The following RAB20 variants were observed in gnomAD, a reference collection of about 807,000 sequenced individuals.
The protein encoded by RAB20 is RAB20, member RAS oncogene family.
RAB20 carries 2 observed loss-of-function variants against 3.7 expected under a neutral mutation model. That is an observed-to-expected ratio of 0.54 (90% CI 0.22 to 1.69). RAB20 has a LOEUF of 1.69. Among genes scored for constraint, RAB20 ranks in the 40% most tolerant of loss-of-function variants. The probability of loss-of-function intolerance (pLI) is 0.19; values close to 1 mark genes in which losing one functional copy is unlikely to be tolerated. For synonymous variants in RAB20, 126 were observed against 130.8 expected, an observed-to-expected ratio of 0.96 and a Z score of 0.25; for missense variants, 276 against 311.9, an observed-to-expected ratio of 0.88 and a Z score of 0.87.
At chr13:110,550,902 T>C (rs1013110870) in intron 1 of RAB20, among the ~76,000 whole-genome samples, 2 of 152,160 alleles carry the variant, frequency 1.3e-5, no homozygotes, top group African/African-American at 4.8e-5. Flanking sequence ...AAAGAAGTTT[T>C]TTAGGATACC....
At chr13:110,541,817 C>CACACACACACACAA (rs1491140547) in intron 1 of RAB20, among the ~76,000 whole-genome samples, 3 of 1,162 alleles carry the variant, frequency 2.6e-3, no homozygotes, top group Non-Finnish European at 3.8e-3. Context: ...AGTGTCCAGC[C>CACACACACACACAA]ACACACACAC....
At chr13:110,546,968 G>A (rs1377288007) in intron 1 of RAB20, among the ~76,000 whole-genome samples, 1 of 152,046 alleles carries the variant, frequency 6.6e-6, no homozygotes, top group Non-Finnish European at 1.5e-5. Flanking sequence ...CCTATCTTCT[G>A]ACTTCAAGGG....
chr13:110,549,872 C>T (rs544141472), intron 1 of RAB20, among the ~76,000 whole-genome samples: 126 of 152,232 alleles, frequency 8.3e-4, no homozygotes, highest in South Asian at 5.8e-3. Flanking sequence ...TACAGGCACG[C>T]GCCACCAAGC....
rs80240097 is a variant in RAB20, at chr13:110,524,831, C to T, written c.173-634G>A. Among the ~76,000 whole-genome samples, 1,293 of 152,314 alleles carry T rather than the reference C, an allele frequency of 8.5e-3. 23 individuals carry two copies. The highest frequency in any genetic ancestry group is 0.03 in the African/African-American group (1,238 of 41,556). Reference sequence around the variant, plus strand: ...ATTTTTAGGACACAGTGGACATCTCCCCTCCCACGCTGGAATCGGAATCCC... The same window carrying T: ...ATTTTTAGGACACAGTGGACATCTCTCCTCCCACGCTGGAATCGGAATCCC... On this transcript the variant is annotated intron_variant, in intron 1 of 1. Coordinates refer to ENST00000267328, the MANE Select transcript of RAB20 (RefSeq NM_017817.3).
intron 1 of RAB20, among the ~76,000 whole-genome samples, chr13:110,546,078 C>T (rs1156929383): frequency 6.8e-6 from 1 of 147,318 alleles, no homozygotes; most frequent in Non-Finnish European, 1.5e-5. Flanking sequence ...GCAGAGAAAC[C>T]CCATGAGATA....
At chr13:110,541,548 T>C (rs1410263680) in intron 1 of RAB20, among the ~76,000 whole-genome samples, 1 of 152,204 alleles carries the variant, frequency 6.6e-6, no homozygotes, top group Non-Finnish European at 1.5e-5. Flanking sequence ...ACAATGTCAA[T>C]TTGGAAAGTA....
At chr13:110,549,147 T>C (rs1311927470) in intron 1 of RAB20, among the ~76,000 whole-genome samples, 1 of 152,260 alleles carries the variant, frequency 6.6e-6, no homozygotes, top group Non-Finnish European at 1.5e-5. Context: ...AAGACATCCG[T>C]TGCCATCAAC....
intron 1 of RAB20, 21 bp downstream of exon 1, chr13:110,561,327 C>T: frequency 6.3e-7 from 1 of 1,574,948 alleles, no homozygotes; most frequent in East Asian, 2.5e-5. Flanking sequence ...GGCGGTGTGG[C>T]TCATGCGGCG....
chr13:110,545,293 T>C (rs1203570424), intron 1 of RAB20, among the ~76,000 whole-genome samples: 1 of 152,204 alleles, frequency 6.6e-6, no homozygotes, highest in Non-Finnish European at 1.5e-5. Context: ...TGTCAACACA[T>C]TTCATGTACC....
At chr13:110,550,689 A>G (rs1343589844) in intron 1 of RAB20, among the ~76,000 whole-genome samples, 1 of 152,164 alleles carries the variant, frequency 6.6e-6, no homozygotes, top group African/African-American at 2.4e-5. Context: ...TTCCCGAGGT[A>G]TCTAGTGGAT....
intron 1 of RAB20, among the ~76,000 whole-genome samples, chr13:110,545,538 T>C (rs1884837086): frequency 6.6e-6 from 1 of 152,112 alleles, no homozygotes; most frequent in Admixed American, 6.5e-5. Context: ...TAGGCAGTCC[T>C]CCAAAAAGTG....
intron 1 of RAB20, among the ~76,000 whole-genome samples, chr13:110,524,528 G>A (rs1884394613): frequency 6.6e-6 from 1 of 152,248 alleles, no homozygotes; most frequent in Middle Eastern, 3.4e-3. Context: ...AGCCATGGCT[G>A]GAGATGGAAG....
intron 1 of RAB20, among the ~76,000 whole-genome samples, chr13:110,542,050 TTTTG>T (rs1272225450): frequency 5.9e-5 from 9 of 152,052 alleles, no homozygotes; most frequent in Non-Finnish European, 8.8e-5. Context: ...TGTTTGTTGG[TTTTG>T]TTTTTGTTTT....
At chr13:110,538,605 AAAAAAAAAAAAAAGAAAG>A (rs1342174807) in intron 1 of RAB20, among the ~76,000 whole-genome samples, 10 of 135,018 alleles carry the variant, frequency 7.4e-5, no homozygotes, top group African/African-American at 2.7e-4. Flanking sequence ...CTCAAAAAAA[AAAAAAAAAAAAAAGAAAG>A]AAAAGAAAAG....
chr13:110,525,415 GT>G (rs1344713819), intron 1 of RAB20, among the ~76,000 whole-genome samples: 1 of 152,238 alleles, frequency 6.6e-6, no homozygotes, highest in Non-Finnish European at 1.5e-5. Context: ...CATCCGTACT[GT>G]TCTGTTCCCA....
chr13:110,547,364 T>C (rs1179978729), intron 1 of RAB20, among the ~76,000 whole-genome samples: 1 of 152,248 alleles, frequency 6.6e-6, no homozygotes, highest in Non-Finnish European at 1.5e-5. Context: ...AACAGGAATC[T>C]TAACACATTG....
intron 1 of RAB20, among the ~76,000 whole-genome samples, chr13:110,533,648 C>A (rs1284454917): frequency 2.0e-5 from 3 of 152,226 alleles, no homozygotes; most frequent in African/African-American, 7.2e-5. Flanking sequence ...GATACTGCCA[C>A]TGCACTCTAG....
chr13:110,525,397 C>T (rs1884411548), intron 1 of RAB20, among the ~76,000 whole-genome samples: 1 of 152,232 alleles, frequency 6.6e-6, no homozygotes, highest in African/African-American at 2.4e-5. Flanking sequence ...CCACAGGTAA[C>T]ACCTGCACAT....
intron 1 of RAB20, among the ~76,000 whole-genome samples, chr13:110,530,535 T>C (rs11619678): frequency 1.5e-4 from 1 of 6,572 alleles, no homozygotes. Flanking sequence ...CACAGGACCC[T>C]GGGGAAGTAG....
Sources: gnomAD v4.1 joint callset for allele counts (sites outside exome capture counted in the v4.1 genomes callset) on GRCh38, gnomAD v4.1.1 for gene constraint, MANE v1.5 for transcripts, NCBI Gene and HGNC (gene_info 2026-07-23, HGNC 2026-07-21) for gene names.